TDRD3: variants seen among roughly 807,000 people sequenced by gnomAD.
TDRD3 encodes the protein tudor domain-containing protein 3.
A neutral mutation model predicts 86.7 loss-of-function variants in TDRD3; 45 were observed. The observed-to-expected ratio is 0.52, with a 90% CI of 0.41 to 0.67. The LOEUF (loss-of-function observed/expected upper bound fraction) is 0.67. TDRD3 is among the 30% of genes least tolerant of loss of function. The probability of loss-of-function intolerance (pLI) is 0.00; values close to 1 mark genes in which losing one functional copy is unlikely to be tolerated. For missense variants in TDRD3, 814 were observed against 889.0 expected, an observed-to-expected ratio of 0.92 and a Z score of 1.07; for synonymous variants, 298 against 301.7, an observed-to-expected ratio of 0.99 and a Z score of 0.13.
intron 1 of TDRD3, among the ~76,000 whole-genome samples, chr13:60,408,230 G>A (rs1382922437): frequency 2.6e-5 from 4 of 152,340 alleles, no homozygotes; most frequent in African/African-American, 9.6e-5. Context: ...CCCCAGCCAT[G>A]TGGAACTGTA....
At chr13:60,459,886 G>A (rs1955769030) in intron 3 of TDRD3, among the ~76,000 whole-genome samples, 1 of 152,168 alleles carries the variant, frequency 6.6e-6, no homozygotes, top group African/African-American at 2.4e-5. Flanking sequence ...CTCCCAAAGT[G>A]CTGGGATTAC....
chr13:60,463,642 A>G (rs1377057195), intron 4 of TDRD3, among the ~76,000 whole-genome samples: 2 of 151,688 alleles, frequency 1.3e-5, no homozygotes, highest in Non-Finnish European at 3.0e-5. Flanking sequence ...CAGAATATAT[A>G]AGGAGCTCAA....
intron 1 of TDRD3, among the ~76,000 whole-genome samples, chr13:60,401,669 C>A (rs1954105909): frequency 6.6e-6 from 1 of 152,142 alleles, no homozygotes; most frequent in African/African-American, 2.4e-5. Context: ...ATGGAGTACT[C>A]CAGGTTTTGT....
chr13:60,473,915 AAAGGGAGTCTCC>A (rs1222505147), intron 5 of TDRD3, among the ~76,000 whole-genome samples: 1 of 152,116 alleles, frequency 6.6e-6, no homozygotes, highest in Non-Finnish European at 1.5e-5. Flanking sequence ...ACAGACCAGG[AAAGGGAGTCTCC>A]CTTTCCCTGG....
chr13:60,429,946 A>G (rs1954912431), intron 1 of TDRD3, among the ~76,000 whole-genome samples: 1 of 152,320 alleles, frequency 6.6e-6, no homozygotes, highest in Non-Finnish European at 1.5e-5. Context: ...ACTAATACTT[A>G]TTTAGCACCT....
Position 60,483,763 on chromosome 13 carries a change from T to C in TDRD3, c.496-12T>C. On this transcript the variant is annotated splice_polypyrimidine_tract_variant and intron_variant, in intron 5 of 13. Coordinates refer to ENST00000377881, the MANE Select transcript of TDRD3 (RefSeq NM_001146070.2). ...GTATAACTGCTCTTTTGTGACTGGATTTTTTCCGCAGAGCTTATCAAAACA... is the reference window on the plus strand; with the variant it reads ...GTATAACTGCTCTTTTGTGACTGGACTTTTTCCGCAGAGCTTATCAAAACA... 1 of 1,599,236 alleles carries C rather than the reference T, an allele frequency of 6.3e-7. No homozygotes were observed. The highest frequency in any genetic ancestry group is 1.7e-5 in the Admixed American group (1 of 57,878).
At chr13:60,439,448 A>G (rs1955201747) in intron 1 of TDRD3, among the ~76,000 whole-genome samples, 1 of 152,170 alleles carries the variant, frequency 6.6e-6, no homozygotes, top group African/African-American at 2.4e-5. Context: ...AGCTTTTCTC[A>G]GAAAGCGTAT....
intron 10 of TDRD3, among the ~76,000 whole-genome samples, chr13:60,523,273 A>T (rs1957331566): frequency 6.6e-6 from 1 of 152,230 alleles, no homozygotes; most frequent in African/African-American, 2.4e-5. Context: ...ATATTTTAAG[A>T]TGCCTGATTA....
At chr13:60,464,382 T>C (rs111691140) in intron 4 of TDRD3, among the ~76,000 whole-genome samples, 7,295 of 152,132 alleles carry the variant, frequency 0.048, 219 homozygotes, top group Non-Finnish European at 0.064. Context: ...TACCATATGA[T>C]ACAGCAGTCT....
upstream of TDRD3, chr13:60,397,005 T>A (rs990894014): frequency 8.2e-5 from 15 of 183,014 alleles, no homozygotes; most frequent in African/African-American, 3.0e-4. Flanking sequence ...CTCGCGACTT[T>A]CCAAGGTGTG....
chr13:60,469,339 A>G (rs556676352), intron 5 of TDRD3, among the ~76,000 whole-genome samples: 2 of 152,026 alleles, frequency 1.3e-5, no homozygotes, highest in Admixed American at 1.3e-4. Context: ...CTAATACCTT[A>G]TATAATTTTC....
chr13:60,572,708 T>C (rs1184299688), intron 13 of TDRD3, among the ~76,000 whole-genome samples: 1 of 152,248 alleles, frequency 6.6e-6, no homozygotes, highest in Admixed American at 6.5e-5. Flanking sequence ...TCAGAAACCT[T>C]AAAACCAATA....
chr13:60,474,826 TGTGTCTTTTA>T (rs1002637430), intron 5 of TDRD3, among the ~76,000 whole-genome samples: 29 of 152,182 alleles, frequency 1.9e-4, no homozygotes, highest in Middle Eastern at 3.2e-3. Flanking sequence ...TCCTGCATGG[TGTGTCTTTTA>T]GTTCAGGTTA....
At chr13:60,460,690 G>A in intron 4 of TDRD3, 150 bp downstream of exon 4, 1 of 702,030 alleles carries the variant, frequency 1.4e-6, no homozygotes, top group East Asian at 3.5e-5. Flanking sequence ...CTGCATTTCT[G>A]CTTCACCTGT....
intron 12 of TDRD3, among the ~76,000 whole-genome samples, chr13:60,551,917 G>T (rs1467199144): frequency 6.6e-6 from 1 of 152,122 alleles, no homozygotes; most frequent in Non-Finnish European, 1.5e-5. Context: ...GAACAGCATG[G>T]GGGAAACTGT....
intron 12 of TDRD3, chr13:60,536,085 A>G (rs1957691971): frequency 6.6e-6 from 1 of 152,140 alleles, no homozygotes; most frequent in South Asian, 2.1e-4. Flanking sequence ...ATTGAAGGGT[A>G]CATTGTTTTC....
At chr13:60,443,469 G>T (rs1194331791) in intron 2 of TDRD3, among the ~76,000 whole-genome samples, 1 of 151,878 alleles carries the variant, frequency 6.6e-6, no homozygotes, top group South Asian at 2.1e-4. Context: ...AGTGATCCCT[G>T]CATTACATTA....
intron 1 of TDRD3, among the ~76,000 whole-genome samples, chr13:60,401,578 A>G (rs1356912124): frequency 3.3e-5 from 5 of 152,234 alleles, no homozygotes; most frequent in Admixed American, 2.6e-4. Context: ...TTAAGGTAGC[A>G]TATGAAATAG....
intron 12 of TDRD3, among the ~76,000 whole-genome samples, chr13:60,541,125 C>T (rs1957799244): frequency 6.6e-6 from 1 of 151,324 alleles, no homozygotes; most frequent in African/African-American, 2.4e-5. Context: ...GAAAAATCTA[C>T]AGCATTCTTT....
Sources: gnomAD v4.1 joint callset for allele counts (sites outside exome capture counted in the v4.1 genomes callset) on GRCh38, gnomAD v4.1.1 for gene constraint, MANE v1.5 for transcripts, NCBI Gene and HGNC (gene_info 2026-07-23, HGNC 2026-07-21) for gene names.